ARCN1: variants seen among roughly 807,000 people sequenced by gnomAD.
ARCN1 encodes coatomer subunit delta.
A neutral mutation model predicts 60.4 loss-of-function variants in ARCN1; 5 were observed. That is an observed-to-expected ratio of 0.08 (90% CI 0.04 to 0.17). ARCN1 has a LOEUF of 0.17. Among genes scored for constraint, ARCN1 ranks in the 10% least tolerant of loss-of-function variants. The pLI is 1.00. For missense variants in ARCN1, 464 were observed against 626.5 expected (o/e 0.74, Z 2.77); for synonymous variants, 224 against 220.0 (o/e 1.02, Z -0.16).
chr11:118,585,123 G>A (rs1938750395), intron 5 of ARCN1, among the ~76,000 whole-genome samples: 1 of 152,038 alleles, frequency 6.6e-6, no homozygotes, highest in Non-Finnish European at 1.5e-5. Context: ...ACCACGCCCG[G>A]CTGTTGTTTT....
At chr11:118,585,601 G>A (rs1938760920) in intron 5 of ARCN1, among the ~76,000 whole-genome samples, 1 of 151,962 alleles carries the variant, frequency 6.6e-6, no homozygotes, top group Non-Finnish European at 1.5e-5. Flanking sequence ...GTACAGTGGT[G>A]CAATCTCAGC....
At position 118,601,724 on chromosome 11, in the gene ARCN1, T is replaced by C. The variant is rs1266242733; in HGVS notation, c.*1010T>C. 4.3e-6 allele frequency: 3 copies of C among 703,028 alleles called. No individual in the cohort carries two copies. Among genetic ancestry groups the C allele is most frequent in the Non-Finnish European group, 7.8e-6 (3 of 384,992 alleles). The allele number at this position is 703,028 out of a possible 1,614,324, so 43.5% of individuals were successfully genotyped here. ...TTCCTTTCAGGGCCTGTCCTTCCAG[T>C]TTAGAACAGTACCATGAATCCCACT... On this transcript the variant is annotated 3_prime_UTR_variant, in exon 10 of 10. Transcript: ENST00000264028.
At chr11:118,585,118 G>A (rs1057003233) in intron 5 of ARCN1, among the ~76,000 whole-genome samples, 1 of 151,968 alleles carries the variant, frequency 6.6e-6, no homozygotes, top group East Asian at 1.9e-4. Context: ...GAGCCACCAC[G>A]CCCGGCTGTT....
At position 118,585,696 on chromosome 11, in the gene ARCN1, C is replaced by T. The variant is rs149055176; in HGVS notation, c.818+1052C>T. 9.1e-4 allele frequency among the ~76,000 whole-genome samples: 138 copies of T among 152,176 alleles called. 4 individuals carry two copies. The East Asian group carries it at 0.012, about 13-fold the overall frequency. ...CTGGGACTACAGGCATGCACCACCACGCTGGGCTAATTTCTGTATTTTGGT... is the reference window on the plus strand; with the variant it reads ...CTGGGACTACAGGCATGCACCACCATGCTGGGCTAATTTCTGTATTTTGGT... On this transcript the variant is annotated intron_variant, in intron 5 of 9. Coordinates refer to ENST00000264028, the MANE Select transcript of ARCN1 (RefSeq NM_001655.5).
chr11:118,576,656 A>G (rs550400440), intron 1 of ARCN1, among the ~76,000 whole-genome samples: 2 of 152,314 alleles, frequency 1.3e-5, no homozygotes, highest in East Asian at 1.9e-4. Flanking sequence ...TATCATGTTT[A>G]GAGGTGACCA....
At chr11:118,576,121 A>C (rs1938493220) in intron 1 of ARCN1, among the ~76,000 whole-genome samples, 1 of 152,096 alleles carries the variant, frequency 6.6e-6, no homozygotes, top group Non-Finnish European at 1.5e-5. Flanking sequence ...AAGGTCACAT[A>C]ATTAGTGGCA....
At chr11:118,600,134 ATTTAT>A (rs1218194738) in intron 9 of ARCN1, among the ~76,000 whole-genome samples, 1 of 152,218 alleles carries the variant, frequency 6.6e-6, no homozygotes. Context: ...TAAGCTGGAC[ATTTAT>A]TTATTTAAAA....
intron 1 of ARCN1, among the ~76,000 whole-genome samples, chr11:118,578,905 T>TTTA (rs1938587840): frequency 1.3e-5 from 1 of 79,518 alleles, no homozygotes; most frequent in African/African-American, 4.9e-5. Context: ...TTTTTTTTTT[T>TTTA]TAATAAAAAA....
At chr11:118,584,244 TGA>T (rs1938726637) in intron 4 of ARCN1, among the ~76,000 whole-genome samples, 1 of 152,218 alleles carries the variant, frequency 6.6e-6, no homozygotes, top group Non-Finnish European at 1.5e-5. Flanking sequence ...CAGTTTCCTA[TGA>T]GAGTTGCCTT....
At chr11:118,600,223 G>A (rs1433173828) in intron 9 of ARCN1, among the ~76,000 whole-genome samples, 2 of 152,202 alleles carry the variant, frequency 1.3e-5, no homozygotes, top group Non-Finnish European at 2.9e-5. Context: ...CTTTTAACAC[G>A]AGACTTTGAG....
At chr11:118,599,588 G>A (rs1939107085) in intron 9 of ARCN1, among the ~76,000 whole-genome samples, 2 of 150,262 alleles carry the variant, frequency 1.3e-5, no homozygotes, top group Admixed American at 6.7e-5. Flanking sequence ...GCCACACCCA[G>A]CTAATTTTTT....
chr11:118,594,571 C>CT (rs1425535070), intron 8 of ARCN1, among the ~76,000 whole-genome samples: 1 of 152,046 alleles, frequency 6.6e-6, no homozygotes, highest in East Asian at 1.9e-4. Flanking sequence ...TTATTGGAGA[C>CT]TGAGTTTCAC....
At chr11:118,594,885 T>C (rs538370408) in intron 8 of ARCN1, among the ~76,000 whole-genome samples, 31 of 152,260 alleles carry the variant, frequency 2.0e-4, no homozygotes, top group African/African-American at 6.7e-4. Flanking sequence ...AGTCTCACTC[T>C]GTCAGCCAGG....
intron 2 of ARCN1, among the ~76,000 whole-genome samples, chr11:118,581,933 GACAGAC>G (rs1265816289): frequency 3.0e-5 from 4 of 132,146 alleles, no homozygotes; most frequent in African/African-American, 1.2e-4. Context: ...CAGACAGACA[GACAGAC>G]ACACACACAC....
intron 8 of ARCN1, among the ~76,000 whole-genome samples, chr11:118,595,517 C>T (rs1591391291): frequency 6.6e-6 from 1 of 152,112 alleles, no homozygotes; most frequent in East Asian, 1.9e-4. Context: ...CATGTCAACC[C>T]CAGAAGTTGA....
At position 118,602,723 on chromosome 11, in the gene ARCN1, C is replaced by G. The variant is rs1198852978; in HGVS notation, c.*2009C>G. On this transcript the variant is annotated 3_prime_UTR_variant, in exon 10 of 10. Coordinates refer to ENST00000264028, the MANE Select transcript of ARCN1 (RefSeq NM_001655.5). Reference sequence around the variant, plus strand: ...AAGCAGGCAAGAAATCCTACTAATCCAGTTTTGTTTGAAAGTTGTTTGTCC... The same window carrying G: ...AAGCAGGCAAGAAATCCTACTAATCGAGTTTTGTTTGAAAGTTGTTTGTCC... 1 of 153,710 alleles carries G rather than the reference C, an allele frequency of 6.5e-6. No homozygotes were observed. The highest frequency in any genetic ancestry group is 2.4e-5 in the African/African-American group (1 of 41,428). The allele number at this position is 153,710 out of a possible 1,614,324, so 9.5% of individuals were successfully genotyped here.
chr11:118,577,364 A>G (rs1279798651), intron 1 of ARCN1, among the ~76,000 whole-genome samples: 3 of 150,018 alleles, frequency 2.0e-5, no homozygotes, highest in Admixed American at 1.3e-4. Context: ...CTCCCACCTC[A>G]CTCTCCCCGT....
intron 6 of ARCN1, 84 bp from the exon 7 acceptor site, chr11:118,592,625 T>C (rs1591389684): frequency 9.4e-7 from 1 of 1,062,156 alleles, no homozygotes; most frequent in East Asian, 2.4e-5. Context: ...TTTGGATGTT[T>C]AGATTGTGGG....
chr11:118,586,973 A>C (rs1309457336), intron 5 of ARCN1, among the ~76,000 whole-genome samples: 1 of 152,150 alleles, frequency 6.6e-6, no homozygotes, highest in East Asian at 1.9e-4. Context: ...GTGAAGGTAA[A>C]ATGGTACCAT....
Sources: gnomAD v4.1 joint callset for allele counts (sites outside exome capture counted in the v4.1 genomes callset) on GRCh38, gnomAD v4.1.1 for gene constraint, MANE v1.5 for transcripts, NCBI Gene and HGNC (gene_info 2026-07-23, HGNC 2026-07-21) for gene names.